Variants in LHFPL3 observed in about 807,000 individuals in gnomAD.
LHFPL3 encodes the protein LHFPL tetraspan subfamily member 3 protein.
LHFPL3 carries 5 observed loss-of-function variants against 19.3 expected under a neutral mutation model. The observed-to-expected ratio is 0.26, with a 90% CI of 0.14 to 0.54. The LOEUF (loss-of-function observed/expected upper bound fraction) is 0.54. Ranked by LOEUF, LHFPL3 falls within the 20% of genes least tolerant of loss-of-function variation. The pLI is 0.94. For missense variants in LHFPL3, 249 were observed against 307.4 expected (o/e 0.81, Z 1.42); for synonymous variants, 133 against 126.2 (o/e 1.05, Z -0.36).
At chr7:104,612,570 A>G (rs1449022207) in intron 1 of LHFPL3, among the ~76,000 whole-genome samples, 2 of 152,240 alleles carry the variant, frequency 1.3e-5, no homozygotes, top group Non-Finnish European at 2.9e-5. Context: ...TAGTTATACA[A>G]GTATCTGAAT....
chr7:104,736,454 G>A (rs942425313), intron 1 of LHFPL3, among the ~76,000 whole-genome samples: 12 of 152,052 alleles, frequency 7.9e-5, no homozygotes, highest in Admixed American at 2.6e-4. Flanking sequence ...AATGTAGAGT[G>A]CTGGGCTGCT....
rs1464965664 is a variant in LHFPL3, at chr7:104,669,262, G to T, written c.446-67413G>T. On this transcript the variant is annotated intron_variant, in intron 1 of 2. Coordinates refer to ENST00000424859, the MANE Select transcript of LHFPL3 (RefSeq NM_199000.3). ...CACAGAGCAGCAATCCCCTACAAGT[G>T]GTGGGGGAAAAGTAGCTCCAGCTCA... is the stretch of plus-strand genomic sequence containing the variant. The T allele has an allele frequency of 3.1e-6, 5 of 1,613,956 alleles. No homozygotes were observed. In the East Asian group the frequency reaches 1.1e-4, roughly 36 times the overall value.
chr7:104,694,281 T>C (rs1470751556), intron 1 of LHFPL3, among the ~76,000 whole-genome samples: 1 of 152,186 alleles, frequency 6.6e-6, no homozygotes, highest in African/African-American at 2.4e-5. Context: ...TATGTTACAG[T>C]ACTAAAATTT....
At chr7:104,587,713 T>G (rs563384689) in intron 1 of LHFPL3, among the ~76,000 whole-genome samples, 1 of 152,088 alleles carries the variant, frequency 6.6e-6, no homozygotes, top group South Asian at 2.1e-4. Flanking sequence ...CCACAATGGT[T>G]GAACTAGTTT....
rs577436882 is a variant in LHFPL3 at position 104,892,557 on chromosome 7, A to G, written c.683-13630A>G. Among the ~76,000 whole-genome samples, 5 of 152,036 alleles carry G rather than the reference A, an allele frequency of 3.3e-5. No individual in the cohort carries two copies. In the South Asian group the frequency reaches 1.0e-3, roughly 32 times the overall value. ...GAAACCCCGTCTCTACTAAAAATAC[A>G]AAAATTAGCCAGGTGTGGTGGCGGG... is the stretch of plus-strand genomic sequence containing the variant. On this transcript the variant is annotated intron_variant, in intron 2 of 2. Coordinates refer to ENST00000424859, the MANE Select transcript of LHFPL3 (RefSeq NM_199000.3).
At chr7:104,495,618 C>T (rs993305207) in intron 1 of LHFPL3, among the ~76,000 whole-genome samples, 2 of 152,182 alleles carry the variant, frequency 1.3e-5, no homozygotes, top group Non-Finnish European at 2.9e-5. Flanking sequence ...CTCCTGACCT[C>T]ATGATCTGCC....
chr7:104,712,089 G>A (rs1186955208), intron 1 of LHFPL3, among the ~76,000 whole-genome samples: 2 of 152,182 alleles, frequency 1.3e-5, no homozygotes, highest in Admixed American at 1.3e-4. Context: ...CTTATGATGA[G>A]GAGATTATTT....
rs181140735 is a variant in LHFPL3 at position 104,616,814 on chromosome 7, A to C, written c.446-119861A>C. On this transcript the variant is annotated intron_variant, in intron 1 of 2. Coordinates refer to ENST00000424859, the MANE Select transcript of LHFPL3 (RefSeq NM_199000.3). ...CTTAAACAAATTTACAGGAAAAAAA[A>C]CAATCCCATCAAAAAGTGGGTGAAG... Among the ~76,000 whole-genome samples the C allele has an allele frequency of 2.3e-3, 356 of 152,294 alleles. 1 individual carries two copies. The highest frequency in any genetic ancestry group is 8.2e-3 in the African/African-American group (340 of 41,570).
intron 1 of LHFPL3, among the ~76,000 whole-genome samples, chr7:104,659,208 C>CT (rs949035625): frequency 9.9e-5 from 15 of 152,224 alleles, no homozygotes; most frequent in Non-Finnish European, 5.9e-5. Flanking sequence ...TCAAGTTGCC[C>CT]TTGGCTTGCT....
At chr7:104,795,068 G>GA (rs1177574568) in intron 2 of LHFPL3, among the ~76,000 whole-genome samples, 1 of 152,140 alleles carries the variant, frequency 6.6e-6, no homozygotes, top group Non-Finnish European at 1.5e-5. Flanking sequence ...AAGTCCCCTA[G>GA]AAACAAGTCA....
chr7:104,365,553 G>A (rs1790470432), intron 1 of LHFPL3, among the ~76,000 whole-genome samples: 1 of 150,572 alleles, frequency 6.6e-6, no homozygotes. Context: ...AGGCCGAGGC[G>A]GGTGGATCAT....
chr7:104,383,512 C>A (rs1030828031), intron 1 of LHFPL3, among the ~76,000 whole-genome samples: 9 of 152,196 alleles, frequency 5.9e-5, no homozygotes, highest in Non-Finnish European at 1.0e-4. Context: ...GAGATATTAG[C>A]ATTTCATTAG....
At chr7:104,512,789 G>GC (rs1184212358) in intron 1 of LHFPL3, among the ~76,000 whole-genome samples, 1 of 152,032 alleles carries the variant, frequency 6.6e-6, no homozygotes, top group African/African-American at 2.4e-5. Context: ...ACAGGAAAAG[G>GC]CAGCTAGCCA....
intron 1 of LHFPL3, among the ~76,000 whole-genome samples, chr7:104,584,527 A>C (rs1790528253): frequency 6.6e-6 from 1 of 152,156 alleles, no homozygotes; most frequent in African/African-American, 2.4e-5. Context: ...AAGTTTTGCC[A>C]CAATTTCATA....
chr7:104,836,344 GAC>G (rs1410756110), intron 2 of LHFPL3, among the ~76,000 whole-genome samples: 1 of 152,144 alleles, frequency 6.6e-6, no homozygotes, highest in East Asian at 1.9e-4. Flanking sequence ...AACATGGAGG[GAC>G]ATCTGATTTA....
intron 1 of LHFPL3, among the ~76,000 whole-genome samples, chr7:104,586,479 A>G (rs1171473877): frequency 6.6e-6 from 1 of 152,164 alleles, no homozygotes; most frequent in Non-Finnish European, 1.5e-5. Flanking sequence ...GTTTAAAAAA[A>G]TAATTGATTT....
chr7:104,818,696 A>G (rs73181889), intron 2 of LHFPL3, among the ~76,000 whole-genome samples: 30,142 of 152,118 alleles, frequency 0.2, 3,209 homozygotes, highest in East Asian at 0.35. Flanking sequence ...GCAAAGCCAG[A>G]AAAACAGAGT....
intron 2 of LHFPL3, among the ~76,000 whole-genome samples, chr7:104,840,629 C>A (rs954945363): frequency 6.6e-6 from 1 of 151,616 alleles, no homozygotes; most frequent in South Asian, 2.1e-4. Flanking sequence ...TCTTTCATTT[C>A]TGTCCTTTTT....
intron 2 of LHFPL3, among the ~76,000 whole-genome samples, chr7:104,825,510 G>C (rs745439243): frequency 4.0e-5 from 6 of 151,798 alleles, no homozygotes; most frequent in African/African-American, 1.2e-4. Flanking sequence ...AATAAAACCT[G>C]TCATTCAGAA....
Sources: gnomAD v4.1 joint callset for allele counts (sites outside exome capture counted in the v4.1 genomes callset) on GRCh38, gnomAD v4.1.1 for gene constraint, MANE v1.5 for transcripts, NCBI Gene and HGNC (gene_info 2026-07-23, HGNC 2026-07-21) for gene names.